Variants in TBC1D12 observed in about 807,000 individuals in gnomAD.
TBC1D12 encodes TBC1 domain family member 12.
TBC1D12 carries 56 observed loss-of-function variants against 86.7 expected under a neutral mutation model. The observed-to-expected ratio is 0.65, with a 90% confidence interval of 0.52 to 0.81. TBC1D12 has a LOEUF of 0.81. TBC1D12 is among the 30% of genes least tolerant of loss of function. The pLI, the probability that TBC1D12 is intolerant of heterozygous loss-of-function variation, is 0.00. For synonymous variants in TBC1D12, 421 were observed against 411.7 expected (o/e 1.02, Z -0.27); for missense variants, 1,023 against 1,038.8 (o/e 0.98, Z 0.21).
At chr10:94,456,099 A>C (rs1017509673) in intron 2 of TBC1D12, among the ~76,000 whole-genome samples, 3 of 152,066 alleles carry the variant, frequency 2.0e-5, no homozygotes, top group Admixed American at 2.0e-4. Context: ...GAGGATTATA[A>C]ATTTTATTGA....
intron 1 of TBC1D12, among the ~76,000 whole-genome samples, chr10:94,419,656 A>G (rs988765779): frequency 1.3e-5 from 2 of 152,158 alleles, no homozygotes; most frequent in Non-Finnish European, 2.9e-5. Context: ...GCGACAGAGC[A>G]AGACTCTGTC....
At chr10:94,526,175 T>C (rs2134231184) in intron 11 of TBC1D12, among the ~76,000 whole-genome samples, 1 of 152,330 alleles carries the variant, frequency 6.6e-6, no homozygotes, top group Non-Finnish European at 1.5e-5. Flanking sequence ...CTCATGCTCA[T>C]AATCCTAGCA....
rs750965275 is a variant in TBC1D12, at chr10:94,403,618, T to TCCGGGG, written c.971+45_971+50dup. 1.5e-3 allele frequency: 2,137 copies of TCCGGGG among 1,385,930 alleles called. 31 individuals carry two copies. The African/African-American group carries it at 0.029, about 19-fold the overall frequency. 85.9% of individuals were successfully genotyped at this position (1,385,930 alleles called of 1,614,324 possible). On this transcript the variant is annotated intron_variant, in intron 1 of 12. Transcript: ENST00000225235. The stretch of plus-strand genomic sequence containing the variant: ...CAGGCTGCATGGGACTCGGGGCGGG[T>TCCGGGG]CCGGGGCCGGGGCCGGAGCCGGGGT...
rs575380314 is a variant in TBC1D12, at chr10:94,456,657, G to A, written c.1095+14638G>A. ...TGTTTCCTCTGCTGTTGTTGGATGC[G>A]GTAGTCTACAGATGTCAATTACATC... On this transcript the variant is annotated intron_variant, in intron 2 of 12. Transcript: ENST00000225235. Among the ~76,000 whole-genome samples, 9 of 152,294 alleles carry A rather than the reference G, an allele frequency of 5.9e-5. No homozygotes were observed. In the East Asian group the frequency reaches 1.3e-3, roughly 23 times the overall value.
At chr10:94,421,460 A>G (rs981485494) in intron 1 of TBC1D12, among the ~76,000 whole-genome samples, 4 of 152,328 alleles carry the variant, frequency 2.6e-5, no homozygotes, top group Admixed American at 2.6e-4. Context: ...TATCTTGACC[A>G]TTGTGAATAA....
chr10:94,532,606 A>G (rs1842459859), intron 12 of TBC1D12, among the ~76,000 whole-genome samples: 2 of 152,208 alleles, frequency 1.3e-5, no homozygotes. Flanking sequence ...TTAAATACCT[A>G]CTGTGTACTA....
chr10:94,459,632 A>G (rs2055692727), intron 2 of TBC1D12, among the ~76,000 whole-genome samples: 1 of 152,194 alleles, frequency 6.6e-6, no homozygotes, highest in South Asian at 2.1e-4. Flanking sequence ...GCAGGTCCTG[A>G]GCCCTGCCCC....
chr10:94,525,030 T>C (rs569082805), intron 11 of TBC1D12, among the ~76,000 whole-genome samples: 1 of 152,172 alleles, frequency 6.6e-6, no homozygotes, highest in South Asian at 2.1e-4. Flanking sequence ...GTACCATACC[T>C]AATATTTCAC....
At chr10:94,515,198 C>T (rs559171195) in intron 9 of TBC1D12, among the ~76,000 whole-genome samples, 6 of 151,346 alleles carry the variant, frequency 4.0e-5, no homozygotes, top group South Asian at 2.1e-4. Flanking sequence ...TGAGCCACCG[C>T]GCCCGGCCGC....
rs922850000 is a variant in TBC1D12, at chr10:94,427,271, G to A, written c.972-14625G>A. Among the ~76,000 whole-genome samples, 42 of 152,226 alleles carry A rather than the reference G, an allele frequency of 2.8e-4. 1 individual carries two copies. The highest frequency in any genetic ancestry group is 9.6e-4 in the African/African-American group (40 of 41,544). On this transcript the variant is annotated intron_variant, in intron 1 of 12. Transcript: ENST00000225235. Reference sequence around the variant, plus strand: ...TTCTGGTGACAAATATTTTGCCCATGTTCTGCTGATGTTTTTCCTTATTAC... The same window carrying A: ...TTCTGGTGACAAATATTTTGCCCATATTCTGCTGATGTTTTTCCTTATTAC...
chr10:94,449,225 A>G (rs2055514479), intron 2 of TBC1D12, among the ~76,000 whole-genome samples: 1 of 152,220 alleles, frequency 6.6e-6, no homozygotes, highest in African/African-American at 2.4e-5. Flanking sequence ...TATCAACATT[A>G]TATTAAAAGT....
At chr10:94,464,464 G>T (rs2055776935) in intron 2 of TBC1D12, among the ~76,000 whole-genome samples, 1 of 151,878 alleles carries the variant, frequency 6.6e-6, no homozygotes, top group East Asian at 1.9e-4. Flanking sequence ...TGATACCTTT[G>T]GATTCTTTTT....
At chr10:94,443,739 G>C (rs142431156) in intron 2 of TBC1D12, among the ~76,000 whole-genome samples, 193 of 152,294 alleles carry the variant, frequency 1.3e-3, no homozygotes, top group African/African-American at 4.5e-3. Flanking sequence ...TGAGGTTGCT[G>C]TGATAAAAAC....
At chr10:94,456,675 A>G (rs1353514411) in intron 2 of TBC1D12, among the ~76,000 whole-genome samples, 1 of 152,188 alleles carries the variant, frequency 6.6e-6, no homozygotes, top group Non-Finnish European at 1.5e-5. Flanking sequence ...ACAGATGTCA[A>G]TTACATCCAG....
chr10:94,461,197 T>TCCTATTTACC (rs1450213707), intron 2 of TBC1D12, among the ~76,000 whole-genome samples: 1 of 152,146 alleles, frequency 6.6e-6, no homozygotes, highest in Non-Finnish European at 1.5e-5. Flanking sequence ...TTTAGTAAGG[T>TCCTATTTACC]AGTGGTAAGG....
intron 7 of TBC1D12, 131 bp from the exon 8 acceptor site, chr10:94,509,960 A>G: frequency 1.5e-6 from 1 of 647,994 alleles, no homozygotes; most frequent in South Asian, 1.9e-5. Flanking sequence ...GCTATGTGAC[A>G]TTTCTTATAA....
At position 94,403,077 on chromosome 10, in the gene TBC1D12, T is replaced by C; in HGVS notation, c.464T>C (p.Leu155Pro). The change falls in exon 1 of 13, where the codon CTG becomes CCG. Residue 155 changes from leucine to proline, a missense_variant. This residue lies in a region of TBC1D12 where 628 missense variants were observed against 531.1 expected (regional missense o/e 1.18). Coordinates refer to ENST00000225235, the MANE Select transcript of TBC1D12 (RefSeq NM_015188.2). ...DCRDLEEARG[L>P]ARAGGRESRR... The stretch of plus-strand genomic sequence containing the variant: ...CGCGATCTGGAAGAGGCTCGCGGGC[T>C]GGCGCGCGCCGGCGGCCGGGAGTCG... 4.1e-6 allele frequency: 6 copies of C among 1,455,340 alleles called. No individual in the cohort carries two copies. The highest frequency in any genetic ancestry group is 5.4e-6 in the Non-Finnish European group (6 of 1,108,298). 90.2% of individuals were successfully genotyped at this position (1,455,340 alleles called of 1,614,324 possible).
chr10:94,415,665 T>G (rs1235760616), intron 1 of TBC1D12, among the ~76,000 whole-genome samples: 1 of 151,954 alleles, frequency 6.6e-6, no homozygotes. Context: ...ACCCAGGAGG[T>G]GGAGCTTGCA....
At chr10:94,450,030 T>C (rs191867711) in intron 2 of TBC1D12, among the ~76,000 whole-genome samples, 54 of 152,306 alleles carry the variant, frequency 3.5e-4, no homozygotes, top group Admixed American at 5.9e-4. Context: ...ACTCTAGGCT[T>C]TTTCTATAGC....
Sources: allele counts gnomAD v4.1 joint callset (sites outside exome capture counted in the v4.1 genomes callset), GRCh38; gene constraint gnomAD v4.1.1; regional missense constraint gnomAD v4.1.1; transcripts MANE v1.5; gene names NCBI Gene and HGNC (gene_info 2026-07-23, HGNC 2026-07-21).